The following CDO1 variants were observed in gnomAD, a reference collection of about 807,000 sequenced individuals.
CDO1 encodes cysteine dioxygenase type 1, also known as cysteine dioxygenase, type I.
A neutral mutation model predicts 24.5 loss-of-function variants in CDO1; 19 were observed. That is an observed-to-expected ratio of 0.77 (90% CI 0.54 to 1.14). The LOEUF (loss-of-function observed/expected upper bound fraction) is 1.14, where lower values mean the gene tolerates loss of function less well. Ranked by LOEUF, CDO1 falls within the 50% of genes most tolerant of loss-of-function variation. The probability of loss-of-function intolerance (pLI) is 0.00; values close to 1 mark genes in which losing one functional copy is unlikely to be tolerated. For synonymous variants in CDO1, 91 were observed against 87.0 expected (o/e 1.05, Z -0.26); for missense variants, 244 against 244.8 (o/e 1.00, Z 0.02).
chr5:115,805,980 T>A (rs965340626), intron 4 of CDO1, among the ~76,000 whole-genome samples: 3 of 152,206 alleles, frequency 2.0e-5, no homozygotes, highest in Non-Finnish European at 4.4e-5. Context: ...TTTAGTTATA[T>A]CATCAGAATA....
At chr5:115,812,030 A>G (rs1481727564) in intron 2 of CDO1, among the ~76,000 whole-genome samples, 1 of 152,226 alleles carries the variant, frequency 6.6e-6, no homozygotes, top group Non-Finnish European at 1.5e-5. Flanking sequence ...GTTAATTAAA[A>G]TATATGTATC....
At chr5:115,807,213 A>G (rs1759984560) in intron 3 of CDO1, among the ~76,000 whole-genome samples, 1 of 152,002 alleles carries the variant, frequency 6.6e-6, no homozygotes, top group Admixed American at 6.6e-5. Context: ...TTTTCTTTCC[A>G]GGCAGAAGAT....
At chr5:115,812,070 A>G (rs533896026) in intron 2 of CDO1, among the ~76,000 whole-genome samples, 32 of 152,234 alleles carry the variant, frequency 2.1e-4, no homozygotes, top group South Asian at 8.3e-4. Context: ...CATTTCATCT[A>G]TTGAATTTTA....
chr5:115,816,077 G>A (rs1760425735), intron 1 of CDO1, 151 bp downstream of exon 1: 3 of 421,218 alleles, frequency 7.1e-6, no homozygotes, highest in South Asian at 6.3e-5. Flanking sequence ...AGTCGTGCCA[G>A]CCCCGCGGCT....
chr5:115,815,268 G>A (rs542536306), intron 1 of CDO1, among the ~76,000 whole-genome samples: 1 of 152,242 alleles, frequency 6.6e-6, no homozygotes, highest in East Asian at 1.9e-4. Context: ...AGAAAAAGTA[G>A]AACCTCTCAC....
chr5:115,808,443 A>C (rs1760044202), intron 3 of CDO1, among the ~76,000 whole-genome samples: 1 of 152,140 alleles, frequency 6.6e-6, no homozygotes, highest in Non-Finnish European at 1.5e-5. Flanking sequence ...GGGTCTCAAA[A>C]ATTTACCTTC....
At position 115,805,443 on chromosome 5, in the gene CDO1, T is replaced by C. The variant is rs762171513; in HGVS notation, c.593A>G (p.Glu198Gly). Residue 198 changes from glutamate to glycine, a missense_variant, in exon 5 of 5, where the codon GAG (glutamate) becomes GGG (glycine). Glu to Gly is a moderately conservative substitution (Grantham distance 98). Coordinates refer to ENST00000250535, the MANE Select transcript of CDO1 (RefSeq NM_001801.3). Reference protein sequence around the residue: ...RTPNATSGSLENN With the variant: ...RTPNATSGSLGNN ...AGGGTTTGGTGCCCCTTAGTTGTTC[T>C]CCAGCGAGCCCGAAGTTGCCTGTAA... 3 of 1,613,846 alleles carry C rather than the reference T, an allele frequency of 1.9e-6. No individual in the cohort carries two copies. The highest frequency in any genetic ancestry group is 2.7e-5 in the African/African-American group (2 of 74,864).
At chr5:115,807,867 T>C (rs1760014900) in intron 3 of CDO1, among the ~76,000 whole-genome samples, 1 of 151,814 alleles carries the variant, frequency 6.6e-6, no homozygotes, top group South Asian at 2.1e-4. Flanking sequence ...TACATCACTG[T>C]GAAATTTCAG....
At position 115,816,231 on chromosome 5, in the gene CDO1, T is replaced by TA; in HGVS notation, c.166dup (p.Tyr56LeufsTer16). 1.2e-6 allele frequency: 2 copies of TA among 1,614,090 alleles called. No homozygotes were observed. Among genetic ancestry groups the TA allele is most frequent in the Non-Finnish European group, 1.7e-6 (2 of 1,179,976 alleles). On this transcript the variant is annotated frameshift_variant, in exon 1 of 5. Transcript: ENST00000250535. LOFTEE classifies it high-confidence loss of function. ...ATTGAAGCTGCAGCGCGCTCACCTGTACTGGTCGAACTTGGCGTACATTGC... is the reference window on the plus strand; with the variant it reads ...ATTGAAGCTGCAGCGCGCTCACCTGTAACTGGTCGAACTTGGCGTACATTGC...
chr5:115,810,662 A>T (rs1435426171), intron 3 of CDO1, among the ~76,000 whole-genome samples: 3 of 152,230 alleles, frequency 2.0e-5, no homozygotes, highest in Non-Finnish European at 4.4e-5. Flanking sequence ...CCCATATCCC[A>T]TTTAGAAAAG....
chr5:115,806,291 A>T, intron 4 of CDO1, 58 bp downstream of exon 4: 1 of 1,157,690 alleles, frequency 8.6e-7, no homozygotes, highest in Non-Finnish European at 1.2e-6. Flanking sequence ...CTTTGCATAC[A>T]TGCAGTGTAA....
At chr5:115,812,169 T>C (rs1331251898) in intron 2 of CDO1, among the ~76,000 whole-genome samples, 1 of 152,188 alleles carries the variant, frequency 6.6e-6, no homozygotes, top group Non-Finnish European at 1.5e-5. Context: ...TTCAAAAATA[T>C]TGAGAGAATG....
chr5:115,814,260 A>T (rs1167832064), intron 1 of CDO1: 1 of 152,092 alleles, frequency 6.6e-6, no homozygotes, highest in Non-Finnish European at 1.5e-5. Context: ...AGCCTTTATG[A>T]CCTAACAAGA....
chr5:115,808,485 A>C lies in CDO1; in HGVS notation c.404-1967T>G, dbSNP rs1354468813. ...TCCTTTCTTGTGGAGCCATTGGAGC[A>C]TATGCTCCACCAAAACAAGGGCATC... On this transcript the variant is annotated intron_variant, in intron 3 of 4. Coordinates refer to ENST00000250535, the MANE Select transcript of CDO1 (RefSeq NM_001801.3). 4.6e-5 allele frequency among the ~76,000 whole-genome samples: 7 copies of C among 152,124 alleles called. No individual in the cohort carries two copies. The East Asian group carries it at 1.3e-3, about 29-fold the overall frequency.
At chr5:115,806,661 G>A (rs957104850) in intron 3 of CDO1, 143 bp from the exon 4 acceptor site, 2 of 642,748 alleles carry the variant, frequency 3.1e-6, no homozygotes, top group African/African-American at 3.8e-5. Context: ...TGCAGTTAAA[G>A]ATAGTAAGTG....
chr5:115,807,429 T>C (rs1759993720), intron 3 of CDO1, among the ~76,000 whole-genome samples: 1 of 152,158 alleles, frequency 6.6e-6, no homozygotes, highest in Admixed American at 6.6e-5. Context: ...ACCAGACATT[T>C]GAGCAAGGCC....
intron 3 of CDO1, 139 bp downstream of exon 3, chr5:115,811,022 T>C (rs1484802891): frequency 9.6e-6 from 8 of 830,538 alleles, no homozygotes; most frequent in South Asian, 8.9e-5. Flanking sequence ...AAACCTGCTA[T>C]GTTTAAGTCA....
chr5:115,816,333 A>T lies in CDO1; in HGVS notation c.65T>A (p.Leu22His). 1.9e-6 allele frequency: 3 copies of T among 1,613,858 alleles called. No homozygotes were observed. Among genetic ancestry groups the T allele is most frequent in the Non-Finnish European group, 2.5e-6 (3 of 1,179,986 alleles). Residue 22 changes from leucine to histidine, a missense_variant, in exon 1 of 5, where the codon CTC becomes CAC. Leu to His is a moderately conservative substitution (Grantham distance 99). Coordinates refer to ENST00000250535, the MANE Select transcript of CDO1 (RefSeq NM_001801.3). ...LADLIRILHQ[L>H]FAGDEVNVEE... ...TACATTGACCTCATCGCCGGCAAAGAGCTGGTGCAGGATGCGGATCAGATC... is the reference window on the plus strand; with the variant it reads ...TACATTGACCTCATCGCCGGCAAAGTGCTGGTGCAGGATGCGGATCAGATC...
chr5:115,815,999 C>T (rs1258020148), intron 1 of CDO1, among the ~76,000 whole-genome samples: 1 of 152,228 alleles, frequency 6.6e-6, no homozygotes, highest in African/African-American at 2.4e-5. Context: ...CCGCCGTTCC[C>T]GGCCGGAGGT....
Sources: allele counts gnomAD v4.1 joint callset (sites outside exome capture counted in the v4.1 genomes callset), GRCh38; gene constraint gnomAD v4.1.1; transcripts MANE v1.5; gene names NCBI Gene and HGNC (gene_info 2026-07-23, HGNC 2026-07-21).